The following DNAJC6 variants were observed in gnomAD, a reference collection of about 807,000 sequenced individuals.
DNAJC6 encodes auxilin.
A neutral mutation model predicts 110.0 loss-of-function variants in DNAJC6; 34 were observed. That is an observed-to-expected ratio of 0.31 (90% confidence interval 0.24 to 0.41). The LOEUF (loss-of-function observed/expected upper bound fraction) is 0.41, where lower values mean the gene tolerates loss of function less well. Ranked by LOEUF, DNAJC6 falls within the 10% of genes least tolerant of loss-of-function variation. DNAJC6 has a pLI of 1.00. For missense variants in DNAJC6, 1,031 were observed against 1,207.8 expected, an observed-to-expected ratio of 0.85 and a Z score of 2.17; for synonymous variants, 406 against 437.2, an observed-to-expected ratio of 0.93 and a Z score of 0.89.
intron 1 of DNAJC6, chr1:65,279,733 C>T (rs576241): frequency 0.21 from 31,657 of 152,094 alleles, 4,057 homozygotes; most frequent in South Asian, 0.35. Flanking sequence ...CAGTTCTGCT[C>T]CTCTTTCCAG....
At chr1:65,330,145 T>G (rs948475270) in intron 1 of DNAJC6, among the ~76,000 whole-genome samples, 4 of 152,116 alleles carry the variant, frequency 2.6e-5, no homozygotes, top group Non-Finnish European at 5.9e-5. Flanking sequence ...ATGAGATGGG[T>G]TTTCTTTACT....
chr1:65,345,424 C>T (rs192507529), intron 1 of DNAJC6, among the ~76,000 whole-genome samples: 55 of 152,236 alleles, frequency 3.6e-4, no homozygotes, highest in African/African-American at 1.3e-3. Flanking sequence ...ATATTATCTA[C>T]CTCCATTTTA....
At chr1:65,271,186 TCTA>T (rs75910452) in intron 1 of DNAJC6, among the ~76,000 whole-genome samples, 113,646 of 151,640 alleles carry the variant, frequency 0.75, 43,261 homozygotes, top group East Asian at 0.98. Context: ...TTGATAGAAA[TCTA>T]CTACATTTTG....
intron 1 of DNAJC6, among the ~76,000 whole-genome samples, chr1:65,344,838 C>G (rs1279632802): frequency 6.6e-6 from 1 of 152,058 alleles, no homozygotes; most frequent in African/African-American, 2.4e-5. Context: ...GTAAGCCTAC[C>G]TCAAGCAGGA....
At position 65,368,585 on chromosome 1, in the gene DNAJC6, CTCTTCT is replaced by C. The variant is rs71895115; in HGVS notation, c.543+2405_543+2410del. ...CCTTCCTTCTTTCCTCTTCTTCCTC[CTCTTCT>C]TCTTCTTCTTCTTCTCCTCCTTCTC... On this transcript the variant is annotated intron_variant, in intron 4 of 18. Coordinates refer to ENST00000371069, the MANE Select transcript of DNAJC6 (RefSeq NM_001256864.2). 2.2e-3 allele frequency among the ~76,000 whole-genome samples: 326 copies of C among 145,182 alleles called. 1 individual carries two copies. Among genetic ancestry groups the C allele is most frequent in the African/African-American group, 7.6e-3 (291 of 38,074 alleles).
intron 6 of DNAJC6, 28 bp downstream of exon 6, chr1:65,384,354 A>G (rs1645850641): frequency 6.6e-7 from 1 of 1,509,552 alleles, no homozygotes; most frequent in South Asian, 1.4e-5. Flanking sequence ...CAGGCTAGGC[A>G]CAGATGTAGT....
At chr1:65,328,604 A>G (rs1645261127) in intron 1 of DNAJC6, among the ~76,000 whole-genome samples, 1 of 152,240 alleles carries the variant, frequency 6.6e-6, no homozygotes, top group Non-Finnish European at 1.5e-5. Context: ...GGTACCAAAC[A>G]GTTCCAACAC....
At chr1:65,341,684 C>G (rs932107500) in intron 1 of DNAJC6, among the ~76,000 whole-genome samples, 4 of 152,104 alleles carry the variant, frequency 2.6e-5, no homozygotes, top group African/African-American at 9.7e-5. Context: ...TGCTCTTTCT[C>G]CACCTTCTGT....
intron 13 of DNAJC6, among the ~76,000 whole-genome samples, chr1:65,398,088 A>T (rs1645996513): frequency 6.6e-6 from 1 of 152,228 alleles, no homozygotes; most frequent in African/African-American, 2.4e-5. Context: ...TAAAAAACTT[A>T]CTACGCACAT....
Position 65,405,908 on chromosome 1 carries a change from G to C in DNAJC6, c.2266G>C (p.Gly756Arg), listed in dbSNP as rs769732357. Reference protein sequence around the residue: ...SFASKPTTPTGLGGGFPPLSS... With the variant: ...SFASKPTTPTRLGGGFPPLSS... The stretch of plus-strand genomic sequence containing the variant: ...TGCCAGCAAACCCACCACACCAACT[G>C]GATTGGGTGGAGGATTCCCGCCTCT... The change falls in exon 16 of 19, where the codon GGA becomes CGA. Residue 756 changes from glycine to arginine, a missense_variant. Physicochemically the swap from Gly to Arg is moderately radical, Grantham distance 125. Transcript: ENST00000371069. The C allele has an allele frequency of 3.1e-6, 5 of 1,613,262 alleles. No individual in the cohort carries two copies. Among genetic ancestry groups the C allele is most frequent in the Middle Eastern group, 1.7e-4 (1 of 6,056 alleles).
In DNAJC6 at chr1:65,388,270, C is replaced by T. The variant is rs577191196; in HGVS notation, c.1114-66C>T. Reference sequence around the variant, plus strand: ...TTGAAGGTGCATGTCTCCCCAAAATCTAATCTTTTGATCAGATTCCCTTTT... The same window carrying T: ...TTGAAGGTGCATGTCTCCCCAAAATTTAATCTTTTGATCAGATTCCCTTTT... On this transcript the variant is annotated intron_variant, in intron 8 of 18. Transcript: ENST00000371069. 52 of 1,435,492 alleles carry T rather than the reference C, an allele frequency of 3.6e-5. No individual in the cohort carries two copies. In the African/African-American group the frequency reaches 6.6e-4, roughly 18 times the overall value. 88.9% of individuals were successfully genotyped at this position (1,435,492 alleles called of 1,614,324 possible). A position where few individuals can be genotyped will look rare whatever the true frequency, so the allele number is the denominator to read the frequency against.
intron 1 of DNAJC6, among the ~76,000 whole-genome samples, chr1:65,286,102 G>A (rs1171265471): frequency 5.3e-5 from 8 of 152,178 alleles, no homozygotes; most frequent in Admixed American, 4.6e-4. Flanking sequence ...CAACTTGGAA[G>A]GTCAATGAAC....
At chr1:65,267,507 T>C (rs954740360) in intron 1 of DNAJC6, among the ~76,000 whole-genome samples, 14 of 151,912 alleles carry the variant, frequency 9.2e-5, no homozygotes, top group African/African-American at 2.9e-4. Flanking sequence ...ACTTCTGTTA[T>C]AGATATTTAT....
chr1:65,340,318 C>T (rs1645377445), intron 1 of DNAJC6, among the ~76,000 whole-genome samples: 1 of 152,198 alleles, frequency 6.6e-6, no homozygotes, highest in Admixed American at 6.5e-5. Context: ...CTGCTCTTAT[C>T]AGAACAGCAA....
intron 1 of DNAJC6, among the ~76,000 whole-genome samples, chr1:65,292,089 G>A (rs980134216): frequency 6.6e-6 from 1 of 151,910 alleles, no homozygotes; most frequent in African/African-American, 2.4e-5. Context: ...CGATCTCAAC[G>A]CACTACAACC....
At chr1:65,346,619 T>G (rs966410355) in intron 1 of DNAJC6, among the ~76,000 whole-genome samples, 2 of 152,046 alleles carry the variant, frequency 1.3e-5, no homozygotes, top group Non-Finnish European at 1.5e-5. Context: ...CAGAGACCCC[T>G]GCCCCACCCT....
At chr1:65,406,358 C>T (rs779437591) in intron 16 of DNAJC6, among the ~76,000 whole-genome samples, 13 of 152,094 alleles carry the variant, frequency 8.5e-5, no homozygotes, top group South Asian at 2.1e-4. Context: ...ATTTTGTGAC[C>T]GTGGGCTCAC....
chr1:65,298,220 T>G (rs1018093753), intron 1 of DNAJC6, among the ~76,000 whole-genome samples: 13 of 152,154 alleles, frequency 8.5e-5, no homozygotes, highest in African/African-American at 3.1e-4. Context: ...ATTACGTTAC[T>G]TCCATGCTGA....
chr1:65,369,087 G>A (rs1454392320), intron 4 of DNAJC6, among the ~76,000 whole-genome samples: 1 of 151,880 alleles, frequency 6.6e-6, no homozygotes, highest in South Asian at 2.1e-4. Flanking sequence ...TTCTTTATTT[G>A]CCTAATTTTG....
Sources: allele counts gnomAD v4.1 joint callset (sites outside exome capture counted in the v4.1 genomes callset), GRCh38; gene constraint gnomAD v4.1.1; transcripts MANE v1.5; gene names NCBI Gene and HGNC (gene_info 2026-07-23, HGNC 2026-07-21).